The following C6orf89 variants were observed in gnomAD, a reference collection of about 807,000 sequenced individuals.
C6orf89 encodes bombesin receptor-activated protein C6orf89.
Under a neutral mutation model 40.7 loss-of-function variants are expected in C6orf89, and 29 were observed. The ratio of observed to expected loss-of-function variants is 0.71; its 90% CI spans 0.53 to 0.97. C6orf89 has a LOEUF of 0.97. Ranked by LOEUF, C6orf89 falls within the 50% of genes least tolerant of loss-of-function variation. C6orf89 has a pLI of 0.00. For missense variants in C6orf89, 392 were observed against 429.1 expected (o/e 0.91, Z 0.76); for synonymous variants, 165 against 152.2 (o/e 1.08, Z -0.62).
At position 36,923,489 on chromosome 6, in the gene C6orf89, T is replaced by A. The variant is rs951778644; in HGVS notation, c.*48T>A. The A allele has an allele frequency of 3.5e-6, 5 of 1,443,536 alleles. No individual in the cohort carries two copies. In the Admixed American group the frequency reaches 6.7e-5, roughly 19 times the overall value. The allele number at this position is 1,443,536 out of a possible 1,614,324, so 89.4% of individuals were successfully genotyped here. ...CAGCTTCCAGAGCCGAAAACCAGGT[T>A]GAAAGGGGAAAAATAAAAACAAAAA... On this transcript the variant is annotated 3_prime_UTR_variant, in exon 9 of 9. Transcript: ENST00000480824.
At position 36,919,572 on chromosome 6, in the gene C6orf89, C is replaced by T; in HGVS notation, c.826-6C>T. On this transcript the variant is annotated splice_region_variant and splice_polypyrimidine_tract_variant and intron_variant, in intron 7 of 8. Transcript: ENST00000480824. Reference sequence around the variant, plus strand: ...CTTTTCCTCCCCTCCTCATTCTTTCCTCCAGATGCATAAGATGCCTGACCT... The same window carrying T: ...CTTTTCCTCCCCTCCTCATTCTTTCTTCCAGATGCATAAGATGCCTGACCT... The T allele has an allele frequency of 1.2e-6, 2 of 1,611,664 alleles. No individual in the cohort carries two copies. Among genetic ancestry groups the T allele is most frequent in the Non-Finnish European group, 1.7e-6 (2 of 1,178,374 alleles).
intron 1 of C6orf89, among the ~76,000 whole-genome samples, chr6:36,887,504 G>T (rs1211833382): frequency 2.0e-5 from 3 of 152,172 alleles, no homozygotes; most frequent in East Asian, 3.8e-4. Flanking sequence ...AGCCCTAGAG[G>T]TGCATAGGAC....
chr6:36,903,817 A>G (rs1174787264), intron 4 of C6orf89, among the ~76,000 whole-genome samples: 1 of 152,214 alleles, frequency 6.6e-6, no homozygotes, highest in African/African-American at 2.4e-5. Context: ...GGAAGGGAAC[A>G]TTGTAAGACA....
chr6:36,905,602 G>C (rs191853027), intron 4 of C6orf89, among the ~76,000 whole-genome samples: 2 of 152,232 alleles, frequency 1.3e-5, no homozygotes, highest in Admixed American at 6.5e-5. Flanking sequence ...TCCCTAGTCT[G>C]CACCCTTATG....
rs1266024900 is a variant in C6orf89, at chr6:36,899,722, AC to A, written c.189+90del. 3.9e-6 allele frequency: 5 copies of A among 1,276,168 alleles called. No homozygotes were observed. The African/African-American group carries it at 7.4e-5, about 19-fold the overall frequency. 79.1% of individuals were successfully genotyped at this position (1,276,168 alleles called of 1,614,324 possible). A position where few individuals can be genotyped will look rare whatever the true frequency, so the allele number is the denominator to read the frequency against. ...AATGCTATTGTTGACTAATCCCACC[AC>A]TGAGCATTGGTTTTTCCGTGAATAA... On this transcript the variant is annotated intron_variant, in intron 3 of 8. Coordinates refer to ENST00000480824, the MANE Select transcript of C6orf89 (RefSeq NM_001286635.2).
chr6:36,899,216 G>C (rs928317498), intron 2 of C6orf89, among the ~76,000 whole-genome samples: 1 of 152,070 alleles, frequency 6.6e-6, no homozygotes, highest in Non-Finnish European at 1.5e-5. Flanking sequence ...AACTGTTCCT[G>C]GCCCACAGTT....
At chr6:36,889,582 C>CAAAAAAAAAAAAAAAAAAAAAAAAA (rs58417436) in intron 1 of C6orf89, among the ~76,000 whole-genome samples, 14 of 140,468 alleles carry the variant, frequency 1.0e-4, no homozygotes, top group African/African-American at 3.1e-4. Context: ...AAAACAAAAA[C>CAAAAAAAAAAAAAAAAAAAAAAAAA]AAAAAAAAAA....
intron 4 of C6orf89, among the ~76,000 whole-genome samples, chr6:36,905,195 C>T (rs975817181): frequency 6.6e-6 from 1 of 152,066 alleles, no homozygotes; most frequent in Non-Finnish European, 1.5e-5. Flanking sequence ...GGTTTTATGC[C>T]CATTTTACAG....
chr6:36,916,338 C>T, intron 6 of C6orf89, 107 bp from the exon 7 acceptor site: 2 of 1,329,800 alleles, frequency 1.5e-6, no homozygotes, highest in Admixed American at 2.0e-5. Flanking sequence ...CATATTTTTC[C>T]CTCTTTACCC....
intron 4 of C6orf89, among the ~76,000 whole-genome samples, chr6:36,904,687 A>G (rs1041356990): frequency 8.5e-5 from 13 of 152,196 alleles, no homozygotes; most frequent in African/African-American, 2.7e-4. Context: ...TCAAAAAACA[A>G]CTACCTTCAG....
At chr6:36,892,249 G>A (rs1173022565) in intron 1 of C6orf89, among the ~76,000 whole-genome samples, 1 of 152,156 alleles carries the variant, frequency 6.6e-6, no homozygotes, top group African/African-American at 2.4e-5. Context: ...TTTTGAGGAG[G>A]GGTAGGAGGA....
In C6orf89 at chr6:36,928,218, C is replaced by G. The variant is rs1762749432; in HGVS notation, c.*4777C>G. 1 of 152,272 alleles carries G rather than the reference C, an allele frequency of 6.6e-6. No individual in the cohort carries two copies. Among genetic ancestry groups the G allele is most frequent in the Admixed American group, 6.5e-5 (1 of 15,282 alleles). The allele number at this position is 152,272 out of a possible 1,614,324, so 9.4% of individuals were successfully genotyped here. ...ACCCTTCCGCCTCTGCCTAGTGTGTCTGTCAGGCAGGCAGCAGCCATCAAT... is the reference window on the plus strand; with the variant it reads ...ACCCTTCCGCCTCTGCCTAGTGTGTGTGTCAGGCAGGCAGCAGCCATCAAT... On this transcript the variant is annotated 3_prime_UTR_variant, in exon 9 of 9. Transcript: ENST00000480824.
At position 36,924,485 on chromosome 6, in the gene C6orf89, T is replaced by G. The variant is rs1163379847; in HGVS notation, c.*1044T>G. ...ATCCTCTGTCTTAAAATGATTTCTGTCTGTGCTGCGAAACAAAGACAAGGT... is the reference window on the plus strand; with the variant it reads ...ATCCTCTGTCTTAAAATGATTTCTGGCTGTGCTGCGAAACAAAGACAAGGT... On this transcript the variant is annotated 3_prime_UTR_variant, in exon 9 of 9. Transcript: ENST00000480824. 6.6e-6 allele frequency: 1 copy of G among 152,250 alleles called. No homozygotes were observed. Among genetic ancestry groups the G allele is most frequent in the Non-Finnish European group, 1.5e-5 (1 of 68,048 alleles). The allele number at this position is 152,250 out of a possible 1,614,324, so 9.4% of individuals were successfully genotyped here.
chr6:36,899,322 C>A, intron 2 of C6orf89, 104 bp from the exon 3 acceptor site: 1 of 934,922 alleles, frequency 1.1e-6, no homozygotes, highest in Non-Finnish European at 1.7e-6. Context: ...TTGAGGAAAG[C>A]ACAAAACTGG....
At chr6:36,896,355 C>T (rs1444594638) in intron 2 of C6orf89, among the ~76,000 whole-genome samples, 1 of 152,200 alleles carries the variant, frequency 6.6e-6, no homozygotes, top group Non-Finnish European at 1.5e-5. Flanking sequence ...TGATCTGCCA[C>T]CTTGGCCTTC....
At chr6:36,890,462 T>C (rs935654649) in intron 1 of C6orf89, among the ~76,000 whole-genome samples, 1 of 152,224 alleles carries the variant, frequency 6.6e-6, no homozygotes, top group Non-Finnish European at 1.5e-5. Flanking sequence ...TCCGTATTGT[T>C]ACAAATAGCA....
chr6:36,917,263 G>A (rs1762358130), intron 7 of C6orf89, among the ~76,000 whole-genome samples: 1 of 152,176 alleles, frequency 6.6e-6, no homozygotes, highest in African/African-American at 2.4e-5. Flanking sequence ...AAGTGTGGGA[G>A]CCTGGGAAGG....
At position 36,928,087 on chromosome 6, in the gene C6orf89, G is replaced by A. The variant is rs1164505509; in HGVS notation, c.*4646G>A. ...ATACATCTGTCATATTCCTCTCCCT[G>A]GAGACTGCGAAATGTCCAGACTTTT... On this transcript the variant is annotated 3_prime_UTR_variant, in exon 9 of 9. Coordinates refer to ENST00000480824, the MANE Select transcript of C6orf89 (RefSeq NM_001286635.2). 1.3e-5 allele frequency: 2 copies of A among 152,192 alleles called. No individual in the cohort carries two copies. The highest frequency in any genetic ancestry group is 4.8e-5 in the African/African-American group (2 of 41,418). The allele number at this position is 152,192 out of a possible 1,614,324, so 9.4% of individuals were successfully genotyped here.
chr6:36,918,181 C>T (rs894246223), intron 7 of C6orf89, among the ~76,000 whole-genome samples: 16 of 152,162 alleles, frequency 1.1e-4, no homozygotes, highest in African/African-American at 3.4e-4. Context: ...AAGTGGCACT[C>T]GGGGAGAAGG....
Sources: gnomAD v4.1 joint callset for allele counts (sites outside exome capture counted in the v4.1 genomes callset) on GRCh38, gnomAD v4.1.1 for gene constraint, MANE v1.5 for transcripts, NCBI Gene and HGNC (gene_info 2026-07-23, HGNC 2026-07-21) for gene names.